The following DUSP13B variants were observed in gnomAD, a reference collection of about 807,000 sequenced individuals.
DUSP13B encodes dual specificity phosphatase 13B, also known as dual specificity protein phosphatase 13B.
the DUSP13B span, chr10:75,098,956 C>G: frequency 8.1e-7 from 1 of 1,230,822 alleles, no homozygotes; most frequent in South Asian, 4.2e-5. Context: ...GGTCACTAAC[C>G]CATCTGCTTC....
the DUSP13B span, chr10:75,097,773 G>T: frequency 6.2e-7 from 1 of 1,613,780 alleles, no homozygotes; most frequent in Admixed American, 1.7e-5. Flanking sequence ...GCAGCCTGAC[G>T]GACCCACAGC....
chr10:75,096,811 G>C, the DUSP13B span, among the ~76,000 whole-genome samples: 1 of 152,152 alleles, frequency 6.6e-6, no homozygotes, highest in Non-Finnish European at 1.5e-5. Flanking sequence ...TAGTCAAAAA[G>C]TGGAAACAAT....
the DUSP13B span, chr10:75,097,683 T>A: frequency 3.3e-6 from 5 of 1,521,136 alleles, no homozygotes; most frequent in Non-Finnish European, 1.8e-6. Context: ...CCTTCCGCCA[T>A]CCCCACTCCT....
the DUSP13B span, among the ~76,000 whole-genome samples, chr10:75,100,338 G>C: frequency 1.3e-5 from 2 of 152,124 alleles, no homozygotes; most frequent in East Asian, 1.9e-4. Context: ...CCTTGCTCCC[G>C]ATGCTCAGGG....
At chr10:75,104,236 G>A in the DUSP13B span, 2 of 460,934 alleles carry the variant, frequency 4.3e-6, no homozygotes, top group Non-Finnish European at 7.4e-6. Flanking sequence ...AGTGAGTGCA[G>A]CTGCTGGGAG....
chr10:75,108,305 A>G, the DUSP13B span: 1 of 1,493,972 alleles, frequency 6.7e-7, no homozygotes, highest in Non-Finnish European at 8.8e-7. Flanking sequence ...CCGAGCCATT[A>G]GGGTCCAAAG....
At chr10:75,108,146 G>A in the DUSP13B span, 1 of 1,613,162 alleles carries the variant, frequency 6.2e-7, no homozygotes, top group East Asian at 2.2e-5. Context: ...GGCCCTTGTG[G>A]GCGGCGTTCA....
chr10:75,095,317 T>C, the DUSP13B span, among the ~76,000 whole-genome samples: 3 of 152,162 alleles, frequency 2.0e-5, no homozygotes, highest in African/African-American at 7.2e-5. Context: ...ATACCTTCTG[T>C]CCAGTGCCTG....
chr10:75,105,541 T>G, the DUSP13B span: 1 of 1,026,312 alleles, frequency 9.7e-7, no homozygotes, highest in South Asian at 1.6e-5. Flanking sequence ...AATCCTCACT[T>G]CCAGCCACAC....
chr10:75,101,292 G>A, the DUSP13B span, among the ~76,000 whole-genome samples: 4 of 152,142 alleles, frequency 2.6e-5, no homozygotes, highest in Non-Finnish European at 5.9e-5. Flanking sequence ...TTAATGTAAA[G>A]CACCTCCCAC....
the DUSP13B span, among the ~76,000 whole-genome samples, chr10:75,102,656 A>T: frequency 2.0e-5 from 3 of 151,680 alleles, no homozygotes; most frequent in Non-Finnish European, 4.4e-5. Flanking sequence ...AAAAATACAA[A>T]AAATTAGTGA....
At chr10:75,108,502 AC>A in the DUSP13B span, among the ~76,000 whole-genome samples, 1 of 152,072 alleles carries the variant, frequency 6.6e-6, no homozygotes, top group Non-Finnish European at 1.5e-5. Flanking sequence ...CAGCCCTGGA[AC>A]CTGGCTGCCC....
the DUSP13B span, chr10:75,101,758 C>A: frequency 1.1e-4 from 77 of 699,554 alleles, 1 homozygote; most frequent in Non-Finnish European, 6.9e-6. Flanking sequence ...GTTCTCTACC[C>A]AACCCAAACC....
the DUSP13B span, chr10:75,097,606 C>T: frequency 1.5e-5 from 16 of 1,080,508 alleles, no homozygotes; most frequent in African/African-American, 2.1e-4. Context: ...GGGAGGCAAG[C>T]GTGCCACCTC....
At chr10:75,096,578 A>C in the DUSP13B span, among the ~76,000 whole-genome samples, 1 of 140,634 alleles carries the variant, frequency 7.1e-6, no homozygotes, top group Non-Finnish European at 1.5e-5. Flanking sequence ...CCCCGCCTCA[A>C]AAAAAAAAAA....
the DUSP13B span, among the ~76,000 whole-genome samples, chr10:75,103,689 G>A: frequency 6.6e-6 from 1 of 152,236 alleles, no homozygotes; most frequent in African/African-American, 2.4e-5. Context: ...GGGTCTCTGA[G>A]GTCTGAGCTC....
At chr10:75,108,141 T>C in the DUSP13B span, 491,892 of 1,612,982 alleles carry the variant, frequency 0.3, 81,414 homozygotes, top group East Asian at 0.62. Flanking sequence ...GTAGAGGCCC[T>C]TGTGGGCGGC....
At chr10:75,097,670 C>T in the DUSP13B span, 2 of 1,498,850 alleles carry the variant, frequency 1.3e-6, no homozygotes, top group Non-Finnish European at 1.8e-6. Flanking sequence ...GTGAACCTCA[C>T]ACCCTTCCGC....
the DUSP13B span, chr10:75,108,001 T>C: frequency 6.2e-7 from 1 of 1,612,200 alleles, no homozygotes; most frequent in Non-Finnish European, 8.5e-7. Context: ...CCCCCAGGCG[T>C]GTTGAGGGCA....
Sources: allele counts gnomAD v4.1 joint callset (sites outside exome capture counted in the v4.1 genomes callset), GRCh38; gene constraint gnomAD v4.1.1; transcripts MANE v1.5; gene names NCBI Gene and HGNC (gene_info 2026-07-23, HGNC 2026-07-21).